The following RIMKLB variants were observed in gnomAD, a reference collection of about 807,000 sequenced individuals.
The protein encoded by RIMKLB is ribosomal modification protein rimK like family member B, also known as beta-citrylglutamate synthase B.
RIMKLB carries 7 observed loss-of-function variants against 32.0 expected under a neutral mutation model. The ratio of observed to expected loss-of-function variants is 0.22; its 90% CI spans 0.12 to 0.41. The LOEUF is 0.41. Among genes scored for constraint, RIMKLB ranks in the 10% least tolerant of loss-of-function variants. RIMKLB has a pLI of 1.00. For synonymous variants in RIMKLB, 172 were observed against 185.1 expected, an observed-to-expected ratio of 0.93 and a Z score of 0.57; for missense variants, 289 against 498.7, an observed-to-expected ratio of 0.58 and a Z score of 4.00.
intron 2 of RIMKLB, among the ~76,000 whole-genome samples, chr12:8,744,507 AT>A (rs1373336701): frequency 6.6e-6 from 1 of 151,874 alleles, no homozygotes; most frequent in Non-Finnish European, 1.5e-5. Context: ...TTTCTTGACA[AT>A]TTACATTGTC....
the RIMKLB span, among the ~76,000 whole-genome samples, chr12:8,675,479 T>A: frequency 2.0e-5 from 3 of 152,202 alleles, no homozygotes; most frequent in African/African-American, 7.2e-5. Flanking sequence ...TCCCAACTCT[T>A]CATTTACCAT....
intron 5 of RIMKLB, among the ~76,000 whole-genome samples, chr12:8,772,664 T>C (rs1242534605): frequency 6.6e-6 from 1 of 152,236 alleles, no homozygotes; most frequent in Non-Finnish European, 1.5e-5. Flanking sequence ...TAAACTCACA[T>C]GTCATCCTCA....
At chr12:8,727,440 T>C (rs750017780) in intron 2 of RIMKLB, among the ~76,000 whole-genome samples, 10 of 152,212 alleles carry the variant, frequency 6.6e-5, no homozygotes, top group Non-Finnish European at 1.3e-4. Context: ...TTTCACTATA[T>C]GTTGATCAGG....
chr12:8,717,354 T>C (rs977005325), intron 2 of RIMKLB, among the ~76,000 whole-genome samples: 1 of 152,216 alleles, frequency 6.6e-6, no homozygotes, highest in Non-Finnish European at 1.5e-5. Flanking sequence ...ACATTATCTG[T>C]GCAATGTTTT....
chr12:8,734,821 A>T (rs1245190803), intron 2 of RIMKLB, among the ~76,000 whole-genome samples: 1 of 152,132 alleles, frequency 6.6e-6, no homozygotes, highest in East Asian at 1.9e-4. Flanking sequence ...TAAAATAAAA[A>T]GCATCTTCCA....
chr12:8,689,881 C>T (rs1202543014), intron 1 of RIMKLB, among the ~76,000 whole-genome samples: 3 of 152,154 alleles, frequency 2.0e-5, no homozygotes, highest in Non-Finnish European at 4.4e-5. Flanking sequence ...AATCCCCCCT[C>T]TTCTGCGCCC....
At chr12:8,691,539 G>A (rs985432961) in intron 1 of RIMKLB, among the ~76,000 whole-genome samples, 10 of 152,070 alleles carry the variant, frequency 6.6e-5, no homozygotes, top group South Asian at 2.1e-4. Flanking sequence ...GAACCCAGGA[G>A]GCAAAGGTTG....
chr12:8,720,459 G>A (rs1425279962), intron 2 of RIMKLB, among the ~76,000 whole-genome samples: 1 of 152,148 alleles, frequency 6.6e-6, no homozygotes, highest in East Asian at 1.9e-4. Flanking sequence ...GAGCTCAGGA[G>A]TCTAGTAGAA....
In RIMKLB at chr12:8,775,165, T is replaced by G; in HGVS notation, c.*1381T>G. The G allele has an allele frequency of 1.0e-6, 1 of 985,820 alleles. No homozygotes were observed. The highest frequency in any genetic ancestry group is 1.2e-6 in the Non-Finnish European group (1 of 829,894). The allele number at this position is 985,820 out of a possible 1,614,324, so 61.1% of individuals were successfully genotyped here. The stretch of plus-strand genomic sequence containing the variant: ...CAGTTTATTCAAGGCTACATGCTTT[T>G]CTTTAATGCTTCTGGCTATGCATTT... On this transcript the variant is annotated 3_prime_UTR_variant, in exon 6 of 6. Coordinates refer to ENST00000535829, the MANE Select transcript of RIMKLB (RefSeq NM_001297776.2).
downstream of RIMKLB, among the ~76,000 whole-genome samples, chr12:8,781,802 A>G (rs1951072008): frequency 6.6e-6 from 1 of 152,206 alleles, no homozygotes. Context: ...TAGAAATTAA[A>G]TGATACTTTG....
At chr12:8,688,822 A>C (rs1942652680) in intron 1 of RIMKLB, among the ~76,000 whole-genome samples, 1 of 151,518 alleles carries the variant, frequency 6.6e-6, no homozygotes, top group African/African-American at 2.4e-5. Context: ...GAAGTGCATG[A>C]CGTATTTCTT....
chr12:8,694,211 C>A (rs1248696503), upstream of RIMKLB, among the ~76,000 whole-genome samples: 1 of 151,900 alleles, frequency 6.6e-6, no homozygotes, highest in African/African-American at 2.4e-5. Flanking sequence ...CCAGCCAGGG[C>A]AACAGAGCCA....
intron 2 of RIMKLB, among the ~76,000 whole-genome samples, chr12:8,738,741 C>T (rs903855188): frequency 9.2e-5 from 14 of 152,112 alleles, no homozygotes; most frequent in African/African-American, 3.4e-4. Flanking sequence ...GTGATACCCC[C>T]CGTCCCCCAG....
At chr12:8,757,029 C>T (rs1399597714) in intron 5 of RIMKLB, among the ~76,000 whole-genome samples, 1 of 151,920 alleles carries the variant, frequency 6.6e-6, no homozygotes, top group Non-Finnish European at 1.5e-5. Context: ...TGAATTAGCT[C>T]TTCATGTCTC....
rs146109338 is a variant in RIMKLB at position 8,765,694 on chromosome 12, G to T, written c.698-7627G>T. ...GGAGGGGGCATAATCGGGAAATATT[G>T]GCACTCTTTGGTTCATTGTTTACCC... On this transcript the variant is annotated intron_variant, in intron 5 of 5. Transcript: ENST00000535829. Among the ~76,000 whole-genome samples, 414 of 152,156 alleles carry T rather than the reference G, an allele frequency of 2.7e-3. 4 individuals are homozygous for T. The highest frequency in any genetic ancestry group is 9.8e-3 in the African/African-American group (407 of 41,504).
chr12:8,761,525 C>CCCT (rs1949522603), intron 5 of RIMKLB, among the ~76,000 whole-genome samples: 1 of 152,004 alleles, frequency 6.6e-6, no homozygotes, highest in Non-Finnish European at 1.5e-5. Context: ...CGATCATTGC[C>CCCT]CCTCCCCCTG....
chr12:8,673,428 T>A, the RIMKLB span, among the ~76,000 whole-genome samples: 3 of 152,086 alleles, frequency 2.0e-5, no homozygotes. Context: ...TTTTCTTGAT[T>A]TTGTGTGTTG....
At chr12:8,676,376 C>T in the RIMKLB span, among the ~76,000 whole-genome samples, 1 of 140,510 alleles carries the variant, frequency 7.1e-6, no homozygotes, top group African/African-American at 2.6e-5. Context: ...GCTCAACCCC[C>T]AACAGCTTTT....
chr12:8,733,750 G>A (rs1946752777), intron 2 of RIMKLB, among the ~76,000 whole-genome samples: 1 of 152,142 alleles, frequency 6.6e-6, no homozygotes, highest in African/African-American at 2.4e-5. Flanking sequence ...GGACGTGATG[G>A]TGCACACCTG....
Sources: gnomAD v4.1 joint callset for allele counts (sites outside exome capture counted in the v4.1 genomes callset) on GRCh38, gnomAD v4.1.1 for gene constraint, MANE v1.5 for transcripts, NCBI Gene and HGNC (gene_info 2026-07-23, HGNC 2026-07-21) for gene names.